WWOX: variants seen among roughly 807,000 people sequenced by gnomAD.
The protein encoded by WWOX is WW domain-containing oxidoreductase.
A neutral mutation model predicts 46.2 loss-of-function variants in WWOX; 69 were observed. The observed-to-expected ratio is 1.49, with a 90% CI of 1.23 to 1.82. The LOEUF is 1.82. WWOX is among the 40% of genes most tolerant of loss of function. The pLI, the probability that WWOX is intolerant of heterozygous loss-of-function variation, is 0.00. For missense variants in WWOX, 919 were observed against 542.6 expected (o/e 1.69, Z -6.89); for synonymous variants, 359 against 202.6 (o/e 1.77, Z -6.56).
At chr16:78,455,645 A>C in intron 8 of WWOX, among the ~76,000 whole-genome samples, 1 of 28,656 alleles carries the variant, frequency 3.5e-5, no homozygotes, top group Admixed American at 3.2e-4. Flanking sequence ...CTCTGTCTCA[A>C]AAAAAAAAAA....
intron 5 of WWOX, among the ~76,000 whole-genome samples, chr16:78,253,676 A>T (rs1044275230): frequency 1.3e-5 from 2 of 152,242 alleles, no homozygotes; most frequent in Admixed American, 1.3e-4. Flanking sequence ...TATATTTAGG[A>T]TATTAGAAAT....
chr16:78,929,535 G>A (rs746920189), intron 8 of WWOX, among the ~76,000 whole-genome samples: 15 of 152,092 alleles, frequency 9.9e-5, no homozygotes, highest in Non-Finnish European at 5.9e-5. Flanking sequence ...TCTGGGATCC[G>A]AGTGAGATGG....
intron 8 of WWOX, among the ~76,000 whole-genome samples, chr16:78,824,560 A>G (rs55861709): frequency 0.21 from 31,534 of 152,014 alleles, 3,467 homozygotes; most frequent in Admixed American, 0.29. Flanking sequence ...AAGAGGTTTA[A>G]TTGGACTTAC....
At chr16:78,336,642 C>T (rs1335817599) in intron 5 of WWOX, among the ~76,000 whole-genome samples, 1 of 151,834 alleles carries the variant, frequency 6.6e-6, no homozygotes, top group Admixed American at 6.6e-5. Flanking sequence ...GAGGTAAGGA[C>T]TTCTTAGTTC....
chr16:79,164,976 A>G (rs769518453), intron 8 of WWOX, among the ~76,000 whole-genome samples: 2 of 152,178 alleles, frequency 1.3e-5, no homozygotes, highest in Non-Finnish European at 2.9e-5. Flanking sequence ...TAATTCATGT[A>G]TAAACAGTAA....
intron 8 of WWOX, among the ~76,000 whole-genome samples, chr16:78,874,109 A>T (rs545528408): frequency 1.3e-5 from 2 of 150,348 alleles, no homozygotes; most frequent in Non-Finnish European, 3.0e-5. Context: ...AAAAAAAAAT[A>T]GCTGGGCATG....
intron 8 of WWOX, among the ~76,000 whole-genome samples, chr16:78,745,453 G>A (rs1257763482): frequency 6.6e-6 from 1 of 151,194 alleles, no homozygotes; most frequent in African/African-American, 2.4e-5. Context: ...CATTGACCTA[G>A]GTCAGAAGGA....
chr16:78,261,790 A>ATCTATC (rs1214251642), intron 5 of WWOX, among the ~76,000 whole-genome samples: 126 of 42,208 alleles, frequency 3.0e-3, no homozygotes, highest in Non-Finnish European at 4.4e-3. Context: ...CTATCTATCT[A>ATCTATC]TATATATATA....
At chr16:78,400,943 C>G (rs1399274114) in intron 6 of WWOX, among the ~76,000 whole-genome samples, 1 of 152,216 alleles carries the variant, frequency 6.6e-6, no homozygotes, top group Non-Finnish European at 1.5e-5. Flanking sequence ...TCCACTCAGC[C>G]TCCTGAGTAG....
intron 8 of WWOX, among the ~76,000 whole-genome samples, chr16:78,925,512 A>G (rs1022476948): frequency 2.6e-5 from 4 of 152,124 alleles, no homozygotes; most frequent in Non-Finnish European, 5.9e-5. Flanking sequence ...TTAACCAGGA[A>G]CTCGCTTATG....
At chr16:79,003,261 G>A (rs1377045140) in intron 8 of WWOX, among the ~76,000 whole-genome samples, 1 of 152,184 alleles carries the variant, frequency 6.6e-6, no homozygotes, top group Non-Finnish European at 1.5e-5. Context: ...TATAAAAATA[G>A]GCAATGAAAC....
chr16:78,660,427 C>T (rs1024899812), intron 8 of WWOX, among the ~76,000 whole-genome samples: 11 of 152,158 alleles, frequency 7.2e-5, no homozygotes, highest in East Asian at 1.9e-4. Context: ...GGCCACTTAA[C>T]ACAGCTTTCA....
At chr16:78,527,550 A>C (rs1416278083) in intron 8 of WWOX, among the ~76,000 whole-genome samples, 1 of 152,016 alleles carries the variant, frequency 6.6e-6, no homozygotes, top group Non-Finnish European at 1.5e-5. Context: ...TGCCTCAGCC[A>C]GCCAAAGTGC....
intron 8 of WWOX, among the ~76,000 whole-genome samples, chr16:78,632,200 GTCTT>G (rs1325937644): frequency 3.9e-5 from 6 of 152,064 alleles, no homozygotes; most frequent in African/African-American, 7.2e-5. Context: ...GAATGCCCCT[GTCTT>G]TCTGAGCTGT....
At chr16:78,600,693 G>C (rs1304878852) in intron 8 of WWOX, among the ~76,000 whole-genome samples, 17 of 152,146 alleles carry the variant, frequency 1.1e-4, no homozygotes, top group Non-Finnish European at 2.9e-5. Flanking sequence ...AACTGCCCTA[G>C]AACGACAGCA....
At chr16:78,463,967 C>G (rs1260437765) in intron 8 of WWOX, among the ~76,000 whole-genome samples, 2 of 152,126 alleles carry the variant, frequency 1.3e-5, no homozygotes, top group South Asian at 4.2e-4. Context: ...AGTCTTTCTC[C>G]AAGGGAACAG....
intron 8 of WWOX, among the ~76,000 whole-genome samples, chr16:78,545,991 C>A (rs1486668781): frequency 1.3e-5 from 2 of 152,128 alleles, no homozygotes; most frequent in African/African-American, 2.4e-5. Flanking sequence ...AGGGTTAGAA[C>A]TTCAGGATAT....
chr16:78,567,552 CAAAAAAAAAAAA>C lies in WWOX; in HGVS notation c.1056+134812_1056+134823del, dbSNP rs71272440. Among the ~76,000 whole-genome samples, 14 of 52,132 alleles carry C rather than the reference CAAAAAAAAAAAA, an allele frequency of 2.7e-4. 1 individual carries two copies. The South Asian group carries it at 0.01, about 39-fold the overall frequency. 34.2% of individuals were successfully genotyped at this position (52,132 alleles called of 152,430 possible). A position where few individuals can be genotyped will look rare whatever the true frequency, so the allele number is the denominator to read the frequency against. On this transcript the variant is annotated intron_variant, in intron 8 of 8. Coordinates refer to ENST00000566780, the MANE Select transcript of WWOX (RefSeq NM_016373.4). ...TGGGCGACAGAAGGAGACTCCGTCT[CAAAAAAAAAAAA>C]AAAAAAAAAAAGAAGTGAGTTTTTT...
At chr16:78,103,148 A>G (rs530896680) in intron 1 of WWOX, among the ~76,000 whole-genome samples, 2 of 151,750 alleles carry the variant, frequency 1.3e-5, no homozygotes, top group Non-Finnish European at 2.9e-5. Context: ...GCCCCTGGCC[A>G]GGGGACTCGG....
Sources: allele counts gnomAD v4.1 joint callset (sites outside exome capture counted in the v4.1 genomes callset), GRCh38; gene constraint gnomAD v4.1.1; transcripts MANE v1.5; gene names NCBI Gene and HGNC (gene_info 2026-07-23, HGNC 2026-07-21).